CCDC93: variants seen among roughly 807,000 people sequenced by gnomAD.
CCDC93 encodes the protein coiled-coil domain-containing protein 93.
CCDC93 carries 61 observed loss-of-function variants against 108.2 expected under a neutral mutation model. The observed-to-expected ratio is 0.56, with a 90% CI of 0.46 to 0.70. The LOEUF (loss-of-function observed/expected upper bound fraction) is 0.70, where lower values mean the gene tolerates loss of function less well. Ranked by LOEUF, CCDC93 falls within the 30% of genes least tolerant of loss-of-function variation. The pLI is 0.00. For synonymous variants in CCDC93, 276 were observed against 260.4 expected, an observed-to-expected ratio of 1.06 and a Z score of -0.58; for missense variants, 685 against 764.2, an observed-to-expected ratio of 0.90 and a Z score of 1.22.
intron 3 of CCDC93, among the ~76,000 whole-genome samples, chr2:118,001,876 T>C (rs766566630): frequency 2.6e-5 from 4 of 152,208 alleles, no homozygotes; most frequent in Admixed American, 1.3e-4. Context: ...CTGTTTCTTA[T>C]ACTATCTTAA....
At chr2:117,943,522 C>G (rs892882121) in intron 18 of CCDC93, among the ~76,000 whole-genome samples, 1 of 152,202 alleles carries the variant, frequency 6.6e-6, no homozygotes, top group Non-Finnish European at 1.5e-5. Flanking sequence ...TACCCGAGCC[C>G]GGCCTTTCCC....
intron 6 of CCDC93, 191 bp downstream of exon 6, chr2:117,995,255 C>T: frequency 1.7e-6 from 1 of 595,916 alleles, no homozygotes; most frequent in South Asian, 2.1e-5. Flanking sequence ...GTGGCAGGTT[C>T]TCCCTGTGCA....
chr2:117,979,487 CA>C (rs1190251633), intron 7 of CCDC93, among the ~76,000 whole-genome samples: 18 of 152,326 alleles, frequency 1.2e-4, no homozygotes, highest in African/African-American at 3.8e-4. Flanking sequence ...TGAATACATG[CA>C]ACTGTTACTT....
Position 117,975,182 on chromosome 2 carries a change from A to C in CCDC93, c.750+6T>G. ...AAACCTCAGAGGGCCTACATGGACC[A>C]CACACCTCTTCAGCTGCTCGAAGCT... On this transcript the variant is annotated splice_donor_region_variant and intron_variant, in intron 9 of 23. Coordinates refer to ENST00000376300, the MANE Select transcript of CCDC93 (RefSeq NM_019044.5). 1 of 1,611,804 alleles carries C rather than the reference A, an allele frequency of 6.2e-7. No homozygotes were observed. Among genetic ancestry groups the C allele is most frequent in the Non-Finnish European group, 8.5e-7 (1 of 1,177,992 alleles).
chr2:117,946,146 C>G (rs542912026), intron 16 of CCDC93, among the ~76,000 whole-genome samples: 1 of 152,142 alleles, frequency 6.6e-6, no homozygotes, highest in African/African-American at 2.4e-5. Context: ...GTGTCCTGTA[C>G]AGCCATGGGC....
chr2:117,987,949 C>T (rs548517429), intron 6 of CCDC93, among the ~76,000 whole-genome samples: 126 of 152,032 alleles, frequency 8.3e-4, no homozygotes, highest in African/African-American at 2.6e-3. Flanking sequence ...TTTCTATAGA[C>T]GAACTTAGGC....
intron 12 of CCDC93, among the ~76,000 whole-genome samples, chr2:117,954,417 C>T (rs1176796547): frequency 6.6e-6 from 1 of 152,146 alleles, no homozygotes; most frequent in Non-Finnish European, 1.5e-5. Flanking sequence ...CATCTCTTTT[C>T]TTTTCTTTAA....
chr2:118,003,555 A>C (rs1033576355), intron 3 of CCDC93, among the ~76,000 whole-genome samples: 2 of 152,146 alleles, frequency 1.3e-5, no homozygotes, highest in African/African-American at 4.8e-5. Flanking sequence ...GTTTGCATAG[A>C]GTTACCAATT....
At chr2:117,931,006 GCC>G (rs752870757) in intron 23 of CCDC93, 29 bp downstream of exon 23, 1 of 1,413,682 alleles carries the variant, frequency 7.1e-7, no homozygotes, top group South Asian at 1.2e-5. Context: ...TCTCACGTTA[GCC>G]TTAATGTGCT....
At chr2:117,923,677 CCTG>C (rs1677969682) in intron 23 of CCDC93, among the ~76,000 whole-genome samples, 5 of 95,970 alleles carry the variant, frequency 5.2e-5, no homozygotes, top group African/African-American at 2.0e-4. Context: ...TGCCTGCCTG[CCTG>C]CCTCTATAGA....
chr2:117,945,263 C>G lies in CCDC93; in HGVS notation c.1350+266G>C, dbSNP rs574065800. ...CAACGCAGGCCTCTCCCCTTCCCAG[C>G]TGAGAAGCCAGCATGAAAACAACAT... is the stretch of plus-strand genomic sequence containing the variant. On this transcript the variant is annotated intron_variant, in intron 17 of 23. Coordinates refer to ENST00000376300, the MANE Select transcript of CCDC93 (RefSeq NM_019044.5). Among the ~76,000 whole-genome samples, 5 of 152,344 alleles carry G rather than the reference C, an allele frequency of 3.3e-5. No individual in the cohort carries two copies. The East Asian group carries it at 7.7e-4, about 24-fold the overall frequency.
intron 23 of CCDC93, 24 bp downstream of exon 23, chr2:117,931,013 T>C (rs1472405535): frequency 1.4e-6 from 2 of 1,471,686 alleles, no homozygotes; most frequent in Non-Finnish European, 1.9e-6. Context: ...TTAGCCTTAA[T>C]GTGCTACCCA....
rs927193800 is a variant in CCDC93, at chr2:117,940,585, T to G, written c.1522+604A>C. Among the ~76,000 whole-genome samples, 6 of 152,120 alleles carry G rather than the reference T, an allele frequency of 3.9e-5. No homozygotes were observed. The East Asian group carries it at 1.2e-3, about 29-fold the overall frequency. On this transcript the variant is annotated intron_variant, in intron 19 of 23. Transcript: ENST00000376300. ...GAAGATTTGTTAGCAGAGAGAGAAG[T>G]GACAGAATCAGATGTGTGGCTAGGG...
intron 11 of CCDC93, among the ~76,000 whole-genome samples, chr2:117,966,406 T>A (rs1558786461): frequency 6.6e-6 from 1 of 152,218 alleles, no homozygotes; most frequent in East Asian, 1.9e-4. Context: ...GGTAAAGGGA[T>A]ATGGCAGGGC....
At chr2:117,946,927 A>T (rs2303329) in intron 15 of CCDC93, 45 bp from the exon 16 acceptor site, 1 of 1,338,918 alleles carries the variant, frequency 7.5e-7, no homozygotes, top group Non-Finnish European at 1.1e-6. Context: ...ACAAGGAGTA[A>T]TTAGACGCAA....
chr2:117,961,036 A>G (rs1162278800), intron 11 of CCDC93, among the ~76,000 whole-genome samples: 1 of 152,116 alleles, frequency 6.6e-6, no homozygotes, highest in Non-Finnish European at 1.5e-5. Context: ...AAGTATTATA[A>G]AATGTTGAGA....
chr2:117,976,215 G>A (rs1330816576), intron 8 of CCDC93, among the ~76,000 whole-genome samples: 2 of 152,242 alleles, frequency 1.3e-5, no homozygotes, highest in Non-Finnish European at 2.9e-5. Flanking sequence ...CAAATGTGCC[G>A]TCTGACATAA....
intron 7 of CCDC93, among the ~76,000 whole-genome samples, chr2:117,980,739 T>C (rs1026661302): frequency 3.3e-5 from 5 of 152,376 alleles, no homozygotes; most frequent in African/African-American, 9.6e-5. Context: ...CAAAGTGTAT[T>C]GCTCACTGGA....
At chr2:117,949,539 T>C (rs77723915) in intron 13 of CCDC93, 144 bp from the exon 14 acceptor site, 15,734 of 677,816 alleles carry the variant, frequency 0.023, 228 homozygotes, top group Non-Finnish European at 0.026. Flanking sequence ...GGTAATTACA[T>C]CATACAACAG....
Sources: allele counts gnomAD v4.1 joint callset (sites outside exome capture counted in the v4.1 genomes callset), GRCh38; gene constraint gnomAD v4.1.1; transcripts MANE v1.5; gene names NCBI Gene and HGNC (gene_info 2026-07-23, HGNC 2026-07-21).